Variants in KIF13A observed in about 807,000 individuals in gnomAD.
The protein encoded by KIF13A is kinesin family member 13A, also known as kinesin-like protein KIF13A.
KIF13A carries 79 observed loss-of-function variants against 212.2 expected under a neutral mutation model. That is an observed-to-expected ratio of 0.37 (90% confidence interval 0.31 to 0.45). The LOEUF (loss-of-function observed/expected upper bound fraction) is 0.45. Among genes scored for constraint, KIF13A ranks in the 20% least tolerant of loss-of-function variants. KIF13A has a pLI of 1.00. For missense variants in KIF13A, 1,901 were observed against 2,209.0 expected, an observed-to-expected ratio of 0.86 and a Z score of 2.79; for synonymous variants, 789 against 808.6, an observed-to-expected ratio of 0.98 and a Z score of 0.41.
chr6:17,885,598 C>T (rs1189796633), intron 3 of KIF13A, among the ~76,000 whole-genome samples: 1 of 152,214 alleles, frequency 6.6e-6, no homozygotes, highest in Non-Finnish European at 1.5e-5. Context: ...TACTACTCTG[C>T]ATTGCAGTTC....
intron 2 of KIF13A, among the ~76,000 whole-genome samples, chr6:17,943,438 G>A (rs1321902325): frequency 6.7e-6 from 1 of 148,496 alleles, no homozygotes; most frequent in Non-Finnish European, 1.5e-5. Context: ...AGTAGAGACA[G>A]GGTTTCACCA....
At position 17,783,679 on chromosome 6, in the gene KIF13A, T is replaced by C; in HGVS notation, c.3511A>G (p.Thr1171Ala). 1 of 1,581,514 alleles carries C rather than the reference T, an allele frequency of 6.3e-7. No individual in the cohort carries two copies. Among genetic ancestry groups the C allele is most frequent in the Non-Finnish European group, 8.6e-7 (1 of 1,160,132 alleles). Reference protein sequence around the residue: ...ADWIPPPGMETHIPVLFLDLN... With the variant: ...ADWIPPPGMEAHIPVLFLDLN... Reference sequence around the variant, plus strand: ...TCGAGGAAGAGAACTGGTATGTGGGTTTCCATTCCAGGAGGTGGGATCCTA... The same window carrying C: ...TCGAGGAAGAGAACTGGTATGTGGGCTTCCATTCCAGGAGGTGGGATCCTA... The change falls in exon 29 of 39, where the codon ACC becomes GCC. Residue 1171 changes from threonine (T) to alanine (A), a missense_variant. Physicochemically the swap from Thr to Ala is moderately conservative, Grantham distance 58. Transcript: ENST00000259711. The surrounding 1 kb of genome is among the most constrained non-coding windows in gnomAD (Gnocchi z 4.3).
chr6:17,965,635 T>C (rs1031366146), intron 2 of KIF13A, among the ~76,000 whole-genome samples: 2 of 152,272 alleles, frequency 1.3e-5, no homozygotes, highest in African/African-American at 4.8e-5. Flanking sequence ...TGAGATGTTT[T>C]CAGAGCATAG....
intron 17 of KIF13A, among the ~76,000 whole-genome samples, chr6:17,814,036 T>C (rs1201471521): frequency 7.1e-6 from 1 of 139,922 alleles, no homozygotes; most frequent in Non-Finnish European, 1.5e-5. Context: ...CACTGCAAGC[T>C]CCGCCTCCCA....
chr6:17,802,670 A>ATC (rs1363796013), intron 20 of KIF13A, among the ~76,000 whole-genome samples: 1 of 152,044 alleles, frequency 6.6e-6, no homozygotes, highest in Admixed American at 6.6e-5. Context: ...TGGAATACTC[A>ATC]AAGCATACCA....
At chr6:17,905,064 T>A (rs2150493665) in intron 2 of KIF13A, among the ~76,000 whole-genome samples, 1 of 152,378 alleles carries the variant, frequency 6.6e-6, no homozygotes, top group South Asian at 2.1e-4. Flanking sequence ...CCAGGACGGC[T>A]TTCAATGCAG....
At position 17,771,240 on chromosome 6, in the gene KIF13A, G is replaced by A. The variant is rs1161901590; in HGVS notation, c.4477-22C>T. 4 of 1,523,662 alleles carry A rather than the reference G, an allele frequency of 2.6e-6. No homozygotes were observed. The highest frequency in any genetic ancestry group is 3.6e-6 in the Non-Finnish European group (4 of 1,102,442). 94.4% of individuals were successfully genotyped at this position (1,523,662 alleles called of 1,614,324 possible). ...TGCTCTGCAAAGGTTAAGACACACA[G>A]ATGCATCACACACAAAGACGACAAC... On this transcript the variant is annotated intron_variant, in intron 37 of 38. Transcript: ENST00000259711. The surrounding 1 kb of genome is among the most constrained non-coding windows in gnomAD (Gnocchi z 5.4).
intron 2 of KIF13A, among the ~76,000 whole-genome samples, chr6:17,956,039 A>C (rs1404116136): frequency 1.3e-5 from 2 of 152,214 alleles, no homozygotes; most frequent in Non-Finnish European, 2.9e-5. Context: ...TCTACAGTCA[A>C]GCATTTTGAG....
intron 3 of KIF13A, among the ~76,000 whole-genome samples, chr6:17,889,401 A>G (rs568375349): frequency 6.6e-6 from 1 of 152,362 alleles, no homozygotes; most frequent in Non-Finnish European, 1.5e-5. Context: ...AAAAACACCG[A>G]AAGTGAATTT....
At chr6:17,957,720 G>T (rs1317153518) in intron 2 of KIF13A, among the ~76,000 whole-genome samples, 1 of 152,156 alleles carries the variant, frequency 6.6e-6, no homozygotes, top group African/African-American at 2.4e-5. Flanking sequence ...CTGCTTGTTG[G>T]TGGGGGAAAA....
At position 17,772,057 on chromosome 6, in the gene KIF13A, A is replaced by G; in HGVS notation, c.4327T>C (p.Cys1443Arg). ...AAGGCATGAGGAGTCTCTGATGTAC[A>G]ACCTAGGGAAGATGAGAAGTTATGA... ...RDSPRRNKEG[C>R]TSETPHALTV... The change falls in exon 37 of 39, where the codon TGT becomes CGT. Residue 1443 changes from cysteine to arginine, a missense_variant and splice_region_variant. Transcript: ENST00000259711. The surrounding 1 kb of genome is among the most constrained non-coding windows in gnomAD (Gnocchi z 4.8). 1 of 1,613,786 alleles carries G rather than the reference A, an allele frequency of 6.2e-7. No homozygotes were observed.
chr6:17,855,386 TTTAAAA>T lies in KIF13A; in HGVS notation c.494+45_494+50del. 1 of 1,348,862 alleles carries T rather than the reference TTTAAAA, an allele frequency of 7.4e-7. No homozygotes were observed. The highest frequency in any genetic ancestry group is 1.0e-6 in the Non-Finnish European group (1 of 975,710). The allele number at this position is 1,348,862 out of a possible 1,614,324, so 83.6% of individuals were successfully genotyped here. A position where few individuals can be genotyped will look rare whatever the true frequency, so the allele number is the denominator to read the frequency against. ...ACTTCCAATTTTAACTTTAGAATCATTTAAAATTATCTCCCCCTATTAACACACTTA... is the reference window on the plus strand; with the variant it reads ...ACTTCCAATTTTAACTTTAGAATCATTTATCTCCCCCTATTAACACACTTA... On this transcript the variant is annotated intron_variant, in intron 6 of 38. Coordinates refer to ENST00000259711, the MANE Select transcript of KIF13A (RefSeq NM_022113.6). This position sits in a 1 kb window ranked among gnomAD's most constrained non-coding sequence, Gnocchi z 4.1.
Position 17,898,251 on chromosome 6 carries a change from G to C in KIF13A, c.147-71C>G. 2 of 1,432,186 alleles carry C rather than the reference G, an allele frequency of 1.4e-6. No individual in the cohort carries two copies. The highest frequency in any genetic ancestry group is 2.4e-5 in the South Asian group (2 of 83,246). The allele number at this position is 1,432,186 out of a possible 1,614,324, so 88.7% of individuals were successfully genotyped here. A position where few individuals can be genotyped will look rare whatever the true frequency, so the allele number is the denominator to read the frequency against. On this transcript the variant is annotated intron_variant, in intron 2 of 38. Coordinates refer to ENST00000259711, the MANE Select transcript of KIF13A (RefSeq NM_022113.6). The surrounding 1 kb of genome is among the most constrained non-coding windows in gnomAD (Gnocchi z 5.2). ...TTGTCAACACAGCAGCCACATCAGA[G>C]GGAAACAATGAAAGAGAAAAAAATA...
chr6:17,887,609 T>C (rs1771662126), intron 3 of KIF13A, among the ~76,000 whole-genome samples: 1 of 152,212 alleles, frequency 6.6e-6, no homozygotes, highest in African/African-American at 2.4e-5. Context: ...ACGATCTTCC[T>C]TTCATGTACT....
rs1161352198 is a variant in KIF13A at position 17,837,441 on chromosome 6, G to T, written c.942+31C>A. 6.7e-7 allele frequency: 1 copy of T among 1,486,060 alleles called. No homozygotes were observed. Among genetic ancestry groups the T allele is most frequent in the African/African-American group, 1.4e-5 (1 of 72,448 alleles). The allele number at this position is 1,486,060 out of a possible 1,614,324, so 92.1% of individuals were successfully genotyped here. A position where few individuals can be genotyped will look rare whatever the true frequency, so the allele number is the denominator to read the frequency against. Reference sequence around the variant, plus strand: ...TCACATCTGGAATAGCCAATTTTTAGTTGGAAAAGAACACTAGAGCAATGG... The same window carrying T: ...TCACATCTGGAATAGCCAATTTTTATTTGGAAAAGAACACTAGAGCAATGG... On this transcript the variant is annotated intron_variant, in intron 10 of 38. Coordinates refer to ENST00000259711, the MANE Select transcript of KIF13A (RefSeq NM_022113.6). This position sits in a 1 kb window ranked among gnomAD's most constrained non-coding sequence, Gnocchi z 5.4.
At chr6:17,822,466 A>G (rs1323354252) in intron 16 of KIF13A, among the ~76,000 whole-genome samples, 1 of 152,220 alleles carries the variant, frequency 6.6e-6, no homozygotes, top group Non-Finnish European at 1.5e-5. Context: ...GGTTTGGCTG[A>G]GAGGATCAGA....
chr6:17,775,477 T>A (rs1220705416), intron 34 of KIF13A, among the ~76,000 whole-genome samples: 1 of 152,206 alleles, frequency 6.6e-6, no homozygotes, highest in African/African-American at 2.4e-5. Context: ...AGGAGTATAT[T>A]TTGACTGCTT....
At chr6:17,763,249 C>G (rs1244199575), downstream of KIF13A, among the ~76,000 whole-genome samples, 3 of 151,978 alleles carry the variant, frequency 2.0e-5, no homozygotes, top group East Asian at 5.8e-4. Flanking sequence ...CTTTGGGAGG[C>G]CAAGGGGGAT....
In KIF13A at chr6:17,880,058, C is replaced by T. The variant is rs1265747209; in HGVS notation, c.160-6621G>A. Among the ~76,000 whole-genome samples, 4 of 152,280 alleles carry T rather than the reference C, an allele frequency of 2.6e-5. 1 individual carries two copies. The highest frequency in any genetic ancestry group is 9.6e-5 in the African/African-American group (4 of 41,576). On this transcript the variant is annotated intron_variant, in intron 3 of 38. Coordinates refer to ENST00000259711, the MANE Select transcript of KIF13A (RefSeq NM_022113.6). Reference sequence around the variant, plus strand: ...TCATAGCTCACTGCAGCCTCAACCTCCCAGCTCAAGCGATCCTCCCAAGAG... The same window carrying T: ...TCATAGCTCACTGCAGCCTCAACCTTCCAGCTCAAGCGATCCTCCCAAGAG...
Sources: gnomAD v4.1 joint callset for allele counts (sites outside exome capture counted in the v4.1 genomes callset) on GRCh38, gnomAD v4.1.1 for gene constraint, Gnocchi (gnomAD v3.1) non-coding constraint, MANE v1.5 for transcripts, NCBI Gene and HGNC (gene_info 2026-07-23, HGNC 2026-07-21) for gene names.